MYRIP: variants seen among roughly 807,000 people sequenced by gnomAD.
MYRIP encodes the protein myosin VIIA and Rab interacting protein.
MYRIP carries 49 observed loss-of-function variants against 98.0 expected under a neutral mutation model. That is an observed-to-expected ratio of 0.50 (90% CI 0.40 to 0.63). The LOEUF (loss-of-function observed/expected upper bound fraction) is 0.63, where lower values mean the gene tolerates loss of function less well. Among genes scored for constraint, MYRIP ranks in the 30% least tolerant of loss-of-function variants. The pLI is 0.00. For missense variants in MYRIP, 1,004 were observed against 1,058.2 expected (o/e 0.95, Z 0.71); for synonymous variants, 404 against 409.5 (o/e 0.99, Z 0.16).
intron 1 of MYRIP, among the ~76,000 whole-genome samples, chr3:39,895,668 C>A (rs1198102457): frequency 2.0e-5 from 3 of 152,082 alleles, no homozygotes; most frequent in Non-Finnish European, 2.9e-5. Flanking sequence ...AATCAATTGA[C>A]AAATTAATCA....
At chr3:40,025,594 A>C (rs572514776) in intron 2 of MYRIP, among the ~76,000 whole-genome samples, 4 of 152,310 alleles carry the variant, frequency 2.6e-5, no homozygotes, top group Non-Finnish European at 5.9e-5. Context: ...ACCCGCCCCC[A>C]ATATTTCAAT....
rs1435013761 is a variant in MYRIP, at chr3:40,059,513, T to C, written c.332+15242T>C. ...GATGGTATCTTGTTGTGGTTTTGAT[T>C]TGCATTTCTCTGATGACCATTGATG... On this transcript the variant is annotated intron_variant, in intron 3 of 16. Coordinates refer to ENST00000302541, the MANE Select transcript of MYRIP (RefSeq NM_015460.4). Among the ~76,000 whole-genome samples, 4 of 152,178 alleles carry C rather than the reference T, an allele frequency of 2.6e-5. No homozygotes were observed. The East Asian group carries it at 7.7e-4, about 29-fold the overall frequency.
intron 1 of MYRIP, among the ~76,000 whole-genome samples, chr3:39,876,246 A>C (rs1212378042): frequency 6.6e-6 from 1 of 152,082 alleles, no homozygotes; most frequent in Non-Finnish European, 1.5e-5. Context: ...TGTCCACGTG[A>C]GATGGGTTTC....
At chr3:40,065,144 G>C (rs1182072097) in intron 3 of MYRIP, among the ~76,000 whole-genome samples, 1 of 152,150 alleles carries the variant, frequency 6.6e-6, no homozygotes, top group Non-Finnish European at 1.5e-5. Context: ...CCAGCTTCTG[G>C]TGGTTTGACA....
At chr3:39,820,411 C>G (rs1445251247) in intron 1 of MYRIP, among the ~76,000 whole-genome samples, 1 of 144,316 alleles carries the variant, frequency 6.9e-6, no homozygotes, top group Admixed American at 7.0e-5. Flanking sequence ...GAAGAGATCC[C>G]AGTATGTGTA....
At chr3:40,220,046 A>G (rs1952286273) in intron 11 of MYRIP, among the ~76,000 whole-genome samples, 4 of 150,752 alleles carry the variant, frequency 2.7e-5, no homozygotes, top group Non-Finnish European at 5.9e-5. Context: ...GTGAGATGGT[A>G]TCTCATTGTG....
chr3:40,188,826 G>A (rs1422915496), intron 9 of MYRIP, among the ~76,000 whole-genome samples: 1 of 151,618 alleles, frequency 6.6e-6, no homozygotes, highest in Non-Finnish European at 1.5e-5. Context: ...TGAGACCTCA[G>A]TCCTGGGCCA....
intron 2 of MYRIP, among the ~76,000 whole-genome samples, chr3:40,016,768 A>G (rs1319601080): frequency 6.6e-6 from 1 of 152,218 alleles, no homozygotes; most frequent in Non-Finnish European, 1.5e-5. Context: ...CCAACCCCTC[A>G]GTGTCTTATT....
chr3:39,886,559 T>C (rs1177736917), intron 1 of MYRIP, among the ~76,000 whole-genome samples: 7 of 151,506 alleles, frequency 4.6e-5, no homozygotes, highest in Admixed American at 1.3e-4. Context: ...ATAAAACAGA[T>C]TTTAAACCAA....
rs1185928800 is a variant in MYRIP, at chr3:40,154,873, A to C, written c.469+3689A>C. On this transcript the variant is annotated intron_variant, in intron 4 of 16. Coordinates refer to ENST00000302541, the MANE Select transcript of MYRIP (RefSeq NM_015460.4). ...AAAAGTTGCCATTATTAATATACTT[A>C]ATCTTCAGACAATTGGATAAATAAT... is the stretch of plus-strand genomic sequence containing the variant. Among the ~76,000 whole-genome samples the C allele has an allele frequency of 7.9e-5, 12 of 152,312 alleles. No individual in the cohort carries two copies. In the East Asian group the frequency reaches 1.9e-3, roughly 24 times the overall value.
chr3:40,174,448 C>G (rs1053822661), intron 8 of MYRIP: 1 of 152,174 alleles, frequency 6.6e-6, no homozygotes, highest in Non-Finnish European at 1.5e-5. Context: ...GGGGAGCTGC[C>G]CCAAGCAAAG....
In MYRIP at chr3:39,977,124, A is replaced by T. The variant is rs182826578; in HGVS notation, c.111-66926A>T. ...CCTTTAATTATAAAAGGTTTATTTTAAAAAAAAACGGTGATAATAAGTAAG... is the reference window on the plus strand; with the variant it reads ...CCTTTAATTATAAAAGGTTTATTTTTAAAAAAAACGGTGATAATAAGTAAG... On this transcript the variant is annotated intron_variant, in intron 2 of 16. Transcript: ENST00000302541. Among the ~76,000 whole-genome samples, 286 of 138,530 alleles carry T rather than the reference A, an allele frequency of 2.1e-3. 2 individuals carry two copies. In the East Asian group the frequency reaches 0.055, roughly 27 times the overall value. The allele number at this position is 138,530 out of a possible 152,430, so 90.9% of individuals were successfully genotyped here.
At chr3:40,036,858 T>C (rs1559374812) in intron 2 of MYRIP, among the ~76,000 whole-genome samples, 1 of 152,130 alleles carries the variant, frequency 6.6e-6, no homozygotes, top group African/African-American at 2.4e-5. Flanking sequence ...TCAATAGCCA[T>C]GTAGAACACC....
chr3:40,067,513 T>G (rs1948147313), intron 3 of MYRIP, among the ~76,000 whole-genome samples: 1 of 152,150 alleles, frequency 6.6e-6, no homozygotes, highest in African/African-American at 2.4e-5. Flanking sequence ...ATCTGTTCCC[T>G]CCAAAATACC....
At chr3:39,826,117 T>A (rs890468705) in intron 1 of MYRIP, among the ~76,000 whole-genome samples, 9 of 151,934 alleles carry the variant, frequency 5.9e-5, no homozygotes, top group East Asian at 1.9e-4. Flanking sequence ...TATATTTTTT[T>A]AAAAAAACAA....
At chr3:40,074,787 T>C (rs902135296) in intron 3 of MYRIP, among the ~76,000 whole-genome samples, 1 of 152,122 alleles carries the variant, frequency 6.6e-6, no homozygotes, top group Non-Finnish European at 1.5e-5. Context: ...GAAAACAACC[T>C]AATTTAAAAG....
chr3:39,956,498 A>G (rs1182704433), intron 2 of MYRIP, among the ~76,000 whole-genome samples: 1 of 152,228 alleles, frequency 6.6e-6, no homozygotes, highest in Non-Finnish European at 1.5e-5. Flanking sequence ...AAGACACAAC[A>G]TATCAGAATC....
chr3:40,098,177 T>C (rs1462507530), intron 3 of MYRIP, among the ~76,000 whole-genome samples: 2 of 152,248 alleles, frequency 1.3e-5, no homozygotes, highest in African/African-American at 2.4e-5. Context: ...TTGATATGTA[T>C]ATTTAAGTAG....
At chr3:40,122,791 A>G (rs1428579527) in intron 3 of MYRIP, among the ~76,000 whole-genome samples, 1 of 152,144 alleles carries the variant, frequency 6.6e-6, no homozygotes, top group Non-Finnish European at 1.5e-5. Flanking sequence ...CCATGTTGGT[A>G]AAAATGTGGC....
Sources: gnomAD v4.1 joint callset for allele counts (sites outside exome capture counted in the v4.1 genomes callset) on GRCh38, gnomAD v4.1.1 for gene constraint, MANE v1.5 for transcripts, NCBI Gene and HGNC (gene_info 2026-07-23, HGNC 2026-07-21) for gene names.